CHRM3: variants seen among roughly 807,000 people sequenced by gnomAD.
CHRM3 encodes the protein muscarinic acetylcholine receptor M3.
CHRM3 carries 11 observed loss-of-function variants against 41.8 expected under a neutral mutation model. The observed-to-expected ratio is 0.26, with a 90% confidence interval of 0.17 to 0.44. The LOEUF is 0.44. Among genes scored for constraint, CHRM3 ranks in the 20% least tolerant of loss-of-function variants. CHRM3 has a pLI of 1.00. For missense variants in CHRM3, 571 were observed against 745.4 expected (o/e 0.77, Z 2.72); for synonymous variants, 297 against 301.4 (o/e 0.99, Z 0.15).
intron 5 of CHRM3, among the ~76,000 whole-genome samples, chr1:239,819,485 C>A (rs1357910569): frequency 6.6e-6 from 1 of 152,184 alleles, no homozygotes; most frequent in Non-Finnish European, 1.5e-5. Context: ...CCTATTACTG[C>A]CTGTCTGCGT....
chr1:239,549,659 TA>T (rs542326965), intron 3 of CHRM3, among the ~76,000 whole-genome samples: 4,692 of 119,704 alleles, frequency 0.039, 225 homozygotes, highest in African/African-American at 0.12. Flanking sequence ...AGACTCCATC[TA>T]AAAAAAAAAA....
At chr1:239,552,627 A>ATATTATTATTAT (rs78726802) in intron 3 of CHRM3, among the ~76,000 whole-genome samples, 37 of 139,760 alleles carry the variant, frequency 2.6e-4, no homozygotes, top group Admixed American at 6.7e-4. Flanking sequence ...CACCTGACTA[A>ATATTATTATTAT]TATTATTATT....
At chr1:239,836,950 G>GGA (rs1673372792) in intron 6 of CHRM3, among the ~76,000 whole-genome samples, 1 of 150,876 alleles carries the variant, frequency 6.6e-6, no homozygotes, top group Non-Finnish European at 1.5e-5. Flanking sequence ...ACTCCAGCCT[G>GGA]GCAACAGAGC....
intron 5 of CHRM3, among the ~76,000 whole-genome samples, chr1:239,776,140 A>G (rs1293919029): frequency 2.6e-5 from 4 of 152,144 alleles, no homozygotes; most frequent in Non-Finnish European, 5.9e-5. Context: ...CTCTGTGAAC[A>G]TTTCTCCTAT....
chr1:239,643,799 C>T (rs921974379), intron 4 of CHRM3, among the ~76,000 whole-genome samples: 4 of 152,208 alleles, frequency 2.6e-5, no homozygotes, highest in Non-Finnish European at 5.9e-5. Flanking sequence ...CTGTCTGGCA[C>T]TCCCTAGTGA....
chr1:239,430,144 T>G (rs1468738320), intron 1 of CHRM3, among the ~76,000 whole-genome samples: 1 of 151,842 alleles, frequency 6.6e-6, no homozygotes, highest in Non-Finnish European at 1.5e-5. Context: ...TTTTTTGTAT[T>G]TTTAGTAGAG....
chr1:239,581,266 T>A (rs1662874008), intron 3 of CHRM3, among the ~76,000 whole-genome samples: 1 of 152,172 alleles, frequency 6.6e-6, no homozygotes, highest in African/African-American at 2.4e-5. Context: ...TTATTTTCTT[T>A]AAACTTCTAA....
intron 5 of CHRM3, among the ~76,000 whole-genome samples, chr1:239,751,065 T>TAAAAATA (rs768455792): frequency 6.6e-6 from 1 of 151,890 alleles, no homozygotes; most frequent in East Asian, 1.9e-4. Flanking sequence ...CCGTCTCTAC[T>TAAAAATA]AAAAATAAAA....
At chr1:239,399,244 A>G (rs1659754605) in intron 1 of CHRM3, among the ~76,000 whole-genome samples, 1 of 151,968 alleles carries the variant, frequency 6.6e-6, no homozygotes, top group South Asian at 2.1e-4. Context: ...TAAACATTAT[A>G]TATATTTATG....
At chr1:239,570,911 T>G (rs962219424) in intron 3 of CHRM3, among the ~76,000 whole-genome samples, 1 of 151,966 alleles carries the variant, frequency 6.6e-6, no homozygotes, top group African/African-American at 2.4e-5. Context: ...CAGCGAGAAG[T>G]AAACACAAAC....
chr1:239,507,160 G>T (rs1668627158), intron 2 of CHRM3, among the ~76,000 whole-genome samples: 1 of 152,136 alleles, frequency 6.6e-6, no homozygotes, highest in African/African-American at 2.4e-5. Context: ...TGTTCAGAAG[G>T]CATGATTGGT....
At chr1:239,673,892 C>A (rs1657673505) in intron 4 of CHRM3, among the ~76,000 whole-genome samples, 1 of 152,004 alleles carries the variant, frequency 6.6e-6, no homozygotes, top group Non-Finnish European at 1.5e-5. Flanking sequence ...AGATCAGCAA[C>A]CCTAATCTAA....
intron 1 of CHRM3, among the ~76,000 whole-genome samples, chr1:239,469,147 T>G (rs1389756282): frequency 6.6e-6 from 1 of 152,168 alleles, no homozygotes; most frequent in Non-Finnish European, 1.5e-5. Context: ...TCAACCTGGG[T>G]CTCGGATCTA....
rs1680331959 is a variant in CHRM3 at position 239,910,954 on chromosome 1, G to A, written c.*1730G>A. 1 of 167,002 alleles carries A rather than the reference G, an allele frequency of 6.0e-6. No individual in the cohort carries two copies. Among genetic ancestry groups the A allele is most frequent in the Non-Finnish European group, 1.5e-5 (1 of 68,116 alleles). 10.3% of individuals were successfully genotyped at this position (167,002 alleles called of 1,614,324 possible). A position where few individuals can be genotyped will look rare whatever the true frequency, so the allele number is the denominator to read the frequency against. ...ATGTTTATATGCAGAAATATTTATGGATACTACACCAAGTGTTTATTTAAT... is the reference window on the plus strand; with the variant it reads ...ATGTTTATATGCAGAAATATTTATGAATACTACACCAAGTGTTTATTTAAT... On this transcript the variant is annotated 3_prime_UTR_variant, in exon 7 of 7. Transcript: ENST00000676153.
At chr1:239,500,934 G>A (rs1021570075) in intron 2 of CHRM3, among the ~76,000 whole-genome samples, 1 of 152,154 alleles carries the variant, frequency 6.6e-6, no homozygotes, top group African/African-American at 2.4e-5. Context: ...GGTGCAAAAG[G>A]CATTTCATGC....
intron 5 of CHRM3, among the ~76,000 whole-genome samples, chr1:239,715,036 T>C (rs1662198123): frequency 6.6e-6 from 1 of 152,118 alleles, no homozygotes; most frequent in African/African-American, 2.4e-5. Context: ...CAGGGAATGA[T>C]GATGTCCTGA....
chr1:239,763,938 A>C (rs938562234), intron 5 of CHRM3, among the ~76,000 whole-genome samples: 1 of 151,924 alleles, frequency 6.6e-6, no homozygotes, highest in African/African-American at 2.4e-5. Context: ...CTCTTAAAAA[A>C]AAATTAGTCA....
chr1:239,749,306 T>G (rs1000519501), intron 5 of CHRM3, among the ~76,000 whole-genome samples: 4 of 152,154 alleles, frequency 2.6e-5, no homozygotes, highest in African/African-American at 7.2e-5. Flanking sequence ...ATATTTCAGA[T>G]AAGCCCTACG....
chr1:239,658,064 C>A (rs1409421356), intron 4 of CHRM3, among the ~76,000 whole-genome samples: 2 of 152,068 alleles, frequency 1.3e-5, no homozygotes, highest in Admixed American at 1.3e-4. Flanking sequence ...TCATAATTTG[C>A]TCTTTTAATG....
Sources: allele counts gnomAD v4.1 joint callset (sites outside exome capture counted in the v4.1 genomes callset), GRCh38; gene constraint gnomAD v4.1.1; transcripts MANE v1.5; gene names NCBI Gene and HGNC (gene_info 2026-07-23, HGNC 2026-07-21).